PLA2G7: variants seen among roughly 807,000 people sequenced by gnomAD.
PLA2G7 encodes the protein platelet-activating factor acetylhydrolase.
PLA2G7 carries 63 observed loss-of-function variants against 49.6 expected under a neutral mutation model. The observed-to-expected ratio is 1.27, with a 90% confidence interval of 1.04 to 1.57. The LOEUF (loss-of-function observed/expected upper bound fraction) is 1.57, where lower values mean the gene tolerates loss of function less well. PLA2G7 is among the 40% of genes most tolerant of loss of function. PLA2G7 has a pLI of 0.00. For missense variants in PLA2G7, 596 were observed against 521.2 expected, an observed-to-expected ratio of 1.14 and a Z score of -1.40; for synonymous variants, 193 against 169.9, an observed-to-expected ratio of 1.14 and a Z score of -1.06.
chr6:46,707,290 C>A (rs1437597770), intron 10 of PLA2G7, among the ~76,000 whole-genome samples: 1 of 152,100 alleles, frequency 6.6e-6, no homozygotes, highest in African/African-American at 2.4e-5. Context: ...TAGCTCTACC[C>A]CCAAAAATCT....
intron 5 of PLA2G7, 145 bp from the exon 6 acceptor site, chr6:46,712,482 G>A (rs1459536500): frequency 3.0e-6 from 2 of 664,496 alleles, no homozygotes; most frequent in Non-Finnish European, 5.6e-6. Flanking sequence ...CTTAAAGGAG[G>A]GTGATTTTGT....
intron 1 of PLA2G7, among the ~76,000 whole-genome samples, chr6:46,734,471 AG>A (rs1765847189): frequency 8.2e-6 from 1 of 122,512 alleles, no homozygotes; most frequent in East Asian, 2.3e-4. Flanking sequence ...AGAGAGAGAG[AG>A]AGAGAGAGAG....
chr6:46,732,736 T>C (rs1397959362), intron 1 of PLA2G7, among the ~76,000 whole-genome samples: 5 of 152,170 alleles, frequency 3.3e-5, no homozygotes, highest in African/African-American at 7.2e-5. Flanking sequence ...TCTGTTAGTG[T>C]TGAGTCACGC....
At chr6:46,714,884 C>T (rs1041211215) in intron 4 of PLA2G7, among the ~76,000 whole-genome samples, 11 of 151,608 alleles carry the variant, frequency 7.3e-5, no homozygotes, top group South Asian at 6.3e-4. Context: ...TACAAGCATG[C>T]GCCACCACGC....
rs1049472568 is a variant in PLA2G7, at chr6:46,727,806, A to G, written c.-34-4881T>C. ...AGCGGGCATGAGCTATAACATGTGG[A>G]TGGCCTCTAGAATCTTGGAAAGGTA... is the stretch of plus-strand genomic sequence containing the variant. On this transcript the variant is annotated intron_variant, in intron 1 of 11. Coordinates refer to ENST00000274793, the MANE Select transcript of PLA2G7 (RefSeq NM_005084.4). Among the ~76,000 whole-genome samples, 3 of 152,192 alleles carry G rather than the reference A, an allele frequency of 2.0e-5. No individual in the cohort carries two copies. The South Asian group carries it at 6.2e-4, about 31-fold the overall frequency.
chr6:46,717,709 C>CTTTTTTTTTTTTTTTTTTTT (rs760308042), intron 2 of PLA2G7, among the ~76,000 whole-genome samples: 1 of 116,206 alleles, frequency 8.6e-6, no homozygotes, highest in Non-Finnish European at 1.6e-5. Flanking sequence ...TTTCTTTTTT[C>CTTTTTTTTTTTTTTTTTTTT]TTTTTCTTTT....
At chr6:46,705,357 T>G (rs561536778) in intron 10 of PLA2G7, 56 bp from the exon 11 acceptor site, 623 of 1,416,052 alleles carry the variant, frequency 4.4e-4, no homozygotes, top group Non-Finnish European at 4.0e-4. Context: ...TATTATTTTT[T>G]TAGTTAGAGT....
intron 2 of PLA2G7, among the ~76,000 whole-genome samples, chr6:46,720,567 C>G (rs1765363045): frequency 6.6e-6 from 1 of 152,154 alleles, no homozygotes; most frequent in South Asian, 2.1e-4. Flanking sequence ...CTACAGCTGA[C>G]CCGGTTATGG....
intron 1 of PLA2G7, among the ~76,000 whole-genome samples, chr6:46,726,667 A>T (rs1765584042): frequency 6.6e-6 from 1 of 151,462 alleles, no homozygotes; most frequent in African/African-American, 2.4e-5. Flanking sequence ...TTTTTTGGAG[A>T]TGGAGTCTCA....
chr6:46,706,873 C>T (rs1282966433), intron 10 of PLA2G7, among the ~76,000 whole-genome samples: 1 of 152,190 alleles, frequency 6.6e-6, no homozygotes, highest in Non-Finnish European at 1.5e-5. Context: ...TATCTAAACT[C>T]TCTTGATCTT....
At chr6:46,709,498 C>G (rs41273664) in intron 8 of PLA2G7, 80 bp from the exon 9 acceptor site, 14,865 of 815,488 alleles carry the variant, frequency 0.018, 167 homozygotes, top group Non-Finnish European at 0.025. Flanking sequence ...TATAATTGTT[C>G]ATTTCATGGG....
chr6:46,725,671 TACATTTAA>T (rs1318345141), intron 1 of PLA2G7, among the ~76,000 whole-genome samples: 2 of 152,212 alleles, frequency 1.3e-5, no homozygotes, highest in Non-Finnish European at 2.9e-5. Flanking sequence ...ATTTCAGTAT[TACATTTAA>T]TTATATTATA....
At chr6:46,715,688 G>A (rs1470019994) in intron 4 of PLA2G7, among the ~76,000 whole-genome samples, 1 of 152,176 alleles carries the variant, frequency 6.6e-6, no homozygotes, top group Non-Finnish European at 1.5e-5. Flanking sequence ...AATATGCAGA[G>A]TTATGCTATT....
intron 1 of PLA2G7, 85 bp from the exon 2 acceptor site, chr6:46,723,010 C>CTAG: frequency 2.9e-6 from 2 of 697,050 alleles, no homozygotes; most frequent in Admixed American, 4.2e-5. Flanking sequence ...GGCTGAGGTA[C>CTAG]TAGTAACACT....
At chr6:46,719,688 C>A (rs998607465) in intron 2 of PLA2G7, among the ~76,000 whole-genome samples, 34 of 152,108 alleles carry the variant, frequency 2.2e-4, no homozygotes, top group South Asian at 4.1e-4. Context: ...GATCCACATT[C>A]GTAAAATGAC....
intron 2 of PLA2G7, among the ~76,000 whole-genome samples, chr6:46,722,503 G>A (rs1169616462): frequency 6.6e-6 from 1 of 152,124 alleles, no homozygotes. Flanking sequence ...CATTAAGGAG[G>A]TTCTCCGTGG....
At chr6:46,733,471 C>G (rs1292261207) in intron 1 of PLA2G7, among the ~76,000 whole-genome samples, 1 of 152,148 alleles carries the variant, frequency 6.6e-6, no homozygotes, top group Non-Finnish European at 1.5e-5. Flanking sequence ...CAGTCACAGA[C>G]TATGGTGCCA....
rs376514945 is a variant in PLA2G7, at chr6:46,712,223, A to G, written c.539+46T>C. The G allele has an allele frequency of 1.0e-5, 12 of 1,145,534 alleles. No individual in the cohort carries two copies. In the African/African-American group the frequency reaches 1.7e-4, roughly 16 times the overall value. The allele number at this position is 1,145,534 out of a possible 1,614,324, so 71.0% of individuals were successfully genotyped here. Reference sequence around the variant, plus strand: ...TAGAAACATAGTTATGAGCATTGACATTCCCTGTAGTTGGCCAAAGAGCCC... The same window carrying G: ...TAGAAACATAGTTATGAGCATTGACGTTCCCTGTAGTTGGCCAAAGAGCCC... On this transcript the variant is annotated intron_variant, in intron 6 of 11. Transcript: ENST00000274793.
chr6:46,713,309 T>C (rs1337540150), intron 5 of PLA2G7, among the ~76,000 whole-genome samples: 1 of 152,150 alleles, frequency 6.6e-6, no homozygotes, highest in Non-Finnish European at 1.5e-5. Context: ...GGGAATGATA[T>C]AGCACAGGGA....
Sources: allele counts gnomAD v4.1 joint callset (sites outside exome capture counted in the v4.1 genomes callset), GRCh38; gene constraint gnomAD v4.1.1; transcripts MANE v1.5; gene names NCBI Gene and HGNC (gene_info 2026-07-23, HGNC 2026-07-21).